The following TNFAIP8 variants were observed in gnomAD, a reference collection of about 807,000 sequenced individuals.
TNFAIP8 encodes the protein TNF alpha induced protein 8, also known as tumor necrosis factor alpha-induced protein 8.
In TNFAIP8, 7 loss-of-function variants were observed where a neutral mutation model predicts 13.3. The ratio of observed to expected loss-of-function variants is 0.52; its 90% CI spans 0.30 to 0.99. TNFAIP8 has a LOEUF of 0.99. TNFAIP8 is among the 50% of genes least tolerant of loss of function. The pLI is 0.07. For missense variants in TNFAIP8, 258 were observed against 236.9 expected (o/e 1.09, Z -0.58); for synonymous variants, 94 against 87.6 (o/e 1.07, Z -0.41).
At chr5:119,357,494 G>A (rs1309839796) in intron 1 of TNFAIP8, among the ~76,000 whole-genome samples, 1 of 152,176 alleles carries the variant, frequency 6.6e-6, no homozygotes, top group Non-Finnish European at 1.5e-5. Context: ...ACTTAAGCTG[G>A]CGTTTTCTCT....
chr5:119,355,479 C>G (rs183112899), upstream of TNFAIP8: 108 of 632,798 alleles, frequency 1.7e-4, no homozygotes, highest in Middle Eastern at 4.9e-4. Flanking sequence ...TCCTTGCAAC[C>G]CCATGGACGA....
intron 1 of TNFAIP8, among the ~76,000 whole-genome samples, chr5:119,331,494 G>A (rs1451403610): frequency 6.6e-6 from 1 of 152,152 alleles, no homozygotes. Flanking sequence ...CAGATGCTTT[G>A]CTTTTTGTTC....
chr5:119,291,174 A>AT (rs1024442522), intron 1 of TNFAIP8, among the ~76,000 whole-genome samples: 2 of 152,178 alleles, frequency 1.3e-5, no homozygotes, highest in African/African-American at 2.4e-5. Flanking sequence ...ACCTTGTACT[A>AT]TTTAACTTTT....
chr5:119,365,304 A>G (rs142216733), intron 1 of TNFAIP8, among the ~76,000 whole-genome samples: 2 of 152,250 alleles, frequency 1.3e-5, no homozygotes, highest in Non-Finnish European at 2.9e-5. Context: ...AACTCTTAGG[A>G]CTTTAGTCTT....
At chr5:119,333,450 G>T (rs1034726192) in intron 1 of TNFAIP8, 8 of 1,403,134 alleles carry the variant, frequency 5.7e-6, no homozygotes, top group Non-Finnish European at 6.5e-6. Context: ...TTTTTCAAAA[G>T]AATAGTATAA....
chr5:119,283,583 G>A (rs952987961), intron 1 of TNFAIP8, among the ~76,000 whole-genome samples: 6 of 152,232 alleles, frequency 3.9e-5, no homozygotes, highest in African/African-American at 1.4e-4. Context: ...GTCACACCAG[G>A]GAGAGCTTGC....
intron 1 of TNFAIP8, among the ~76,000 whole-genome samples, chr5:119,298,070 T>C (rs1451393166): frequency 2.6e-5 from 4 of 152,240 alleles, no homozygotes; most frequent in Non-Finnish European, 5.9e-5. Flanking sequence ...AATTTGCCAG[T>C]CTGTGTCTTT....
chr5:119,293,183 A>C (rs1749053090), intron 1 of TNFAIP8, among the ~76,000 whole-genome samples: 1 of 151,910 alleles, frequency 6.6e-6, no homozygotes, highest in African/African-American at 2.4e-5. Context: ...GCATTACGTC[A>C]CATCCCTTTT....
intron 1 of TNFAIP8, among the ~76,000 whole-genome samples, chr5:119,372,593 T>C (rs1433809024): frequency 1.3e-5 from 2 of 152,218 alleles, no homozygotes; most frequent in Middle Eastern, 3.2e-3. Context: ...TCCAGTCTTT[T>C]AGAAAAAGTA....
intron 1 of TNFAIP8, among the ~76,000 whole-genome samples, chr5:119,292,003 T>C (rs905802162): frequency 1.3e-5 from 2 of 151,974 alleles, no homozygotes; most frequent in Non-Finnish European, 2.9e-5. Flanking sequence ...AGAAGTGAAG[T>C]CAAGAATAAA....
chr5:119,325,188 T>C (rs1427437170), intron 1 of TNFAIP8, among the ~76,000 whole-genome samples: 2 of 152,244 alleles, frequency 1.3e-5, no homozygotes, highest in East Asian at 3.8e-4. Flanking sequence ...TATGGGGTCA[T>C]TGTCATAACC....
intron 1 of TNFAIP8, among the ~76,000 whole-genome samples, chr5:119,327,803 T>C (rs1472010628): frequency 6.6e-6 from 1 of 152,158 alleles, no homozygotes; most frequent in African/African-American, 2.4e-5. Context: ...GAGGTTATTA[T>C]TATATTCACT....
At chr5:119,342,610 C>T (rs1750775562) in intron 1 of TNFAIP8, among the ~76,000 whole-genome samples, 1 of 152,212 alleles carries the variant, frequency 6.6e-6, no homozygotes, top group Non-Finnish European at 1.5e-5. Context: ...GCTGTCTCTG[C>T]TTTCTCAACA....
At chr5:119,351,892 C>T (rs1378776736), upstream of TNFAIP8, among the ~76,000 whole-genome samples, 1 of 149,638 alleles carries the variant, frequency 6.7e-6, no homozygotes, top group Non-Finnish European at 1.5e-5. Context: ...TGGGTTCAAG[C>T]GATTCTTCTG....
chr5:119,279,082 G>A (rs758215884), intron 1 of TNFAIP8, among the ~76,000 whole-genome samples: 3 of 152,206 alleles, frequency 2.0e-5, no homozygotes, highest in African/African-American at 4.8e-5. Flanking sequence ...AGCAGGCACT[G>A]TGCTGAGTGC....
chr5:119,310,600 C>T (rs1260797877), intron 1 of TNFAIP8, among the ~76,000 whole-genome samples: 2 of 152,044 alleles, frequency 1.3e-5, no homozygotes, highest in Non-Finnish European at 2.9e-5. Flanking sequence ...TTTGGGAGGC[C>T]GAGGCAGGTA....
At chr5:119,341,945 G>T (rs569225669) in intron 1 of TNFAIP8, among the ~76,000 whole-genome samples, 6 of 151,528 alleles carry the variant, frequency 4.0e-5, no homozygotes, top group African/African-American at 1.5e-4. Context: ...GGGCAGAACT[G>T]GGAATGGGAC....
chr5:119,390,229 T>G (rs778754686), intron 1 of TNFAIP8, among the ~76,000 whole-genome samples: 1 of 152,202 alleles, frequency 6.6e-6, no homozygotes, highest in Non-Finnish European at 1.5e-5. Context: ...CATTTCAACT[T>G]TATATGTAAT....
intron 1 of TNFAIP8, among the ~76,000 whole-genome samples, chr5:119,279,586 T>C (rs1748567668): frequency 6.6e-6 from 1 of 152,190 alleles, no homozygotes; most frequent in Admixed American, 6.5e-5. Context: ...TATGTGTTTG[T>C]TAGAGATAGG....
Sources: gnomAD v4.1 joint callset for allele counts (sites outside exome capture counted in the v4.1 genomes callset) on GRCh38, gnomAD v4.1.1 for gene constraint, MANE v1.5 for transcripts, NCBI Gene and HGNC (gene_info 2026-07-23, HGNC 2026-07-21) for gene names.